The following TRMU variants were observed in gnomAD, a reference collection of about 807,000 sequenced individuals.
The protein encoded by TRMU is tRNA mitochondrial 2-thiouridylase.
TRMU carries 49 observed loss-of-function variants against 46.9 expected under a neutral mutation model. The observed-to-expected ratio is 1.05, with a 90% CI of 0.83 to 1.33. TRMU has a LOEUF of 1.33. TRMU is among the 40% of genes most tolerant of loss of function. TRMU has a pLI of 0.00. For missense variants in TRMU, 572 were observed against 532.4 expected (o/e 1.07, Z -0.73); for synonymous variants, 241 against 200.9 (o/e 1.20, Z -1.69).
Position 46,357,304 on chromosome 22 carries a change from G to C in TRMU, c.*298G>C, listed in dbSNP as rs907722969. On this transcript the variant is annotated 3_prime_UTR_variant, in exon 11 of 11. Coordinates refer to ENST00000645190, the MANE Select transcript of TRMU (RefSeq NM_018006.5). ...ACCGAGGGGACCTGCAGAGGGGGCT[G>C]TCGGGACAGCGTGGAATAAACATTA... 9.6e-6 allele frequency: 5 copies of C among 518,366 alleles called. No homozygotes were observed. Among genetic ancestry groups the C allele is most frequent in the East Asian group, 7.0e-5 (2 of 28,380 alleles). The allele number at this position is 518,366 out of a possible 1,614,324, so 32.1% of individuals were successfully genotyped here.
intron 3 of TRMU, 80 bp from the exon 4 acceptor site, chr22:46,346,342 T>C: frequency 6.4e-7 from 1 of 1,550,690 alleles, no homozygotes; most frequent in Non-Finnish European, 8.7e-7. Context: ...TATACTCTTC[T>C]TTTGTGCCTT....
chr22:46,357,128 G>A lies in TRMU; in HGVS notation c.*122G>A. 2 of 1,435,538 alleles carry A rather than the reference G, an allele frequency of 1.4e-6. No homozygotes were observed. The highest frequency in any genetic ancestry group is 1.9e-6 in the Non-Finnish European group (2 of 1,050,572). The allele number at this position is 1,435,538 out of a possible 1,614,324, so 88.9% of individuals were successfully genotyped here. A position where few individuals can be genotyped will look rare whatever the true frequency, so the allele number is the denominator to read the frequency against. On this transcript the variant is annotated 3_prime_UTR_variant, in exon 11 of 11. Coordinates refer to ENST00000645190, the MANE Select transcript of TRMU (RefSeq NM_018006.5). The stretch of plus-strand genomic sequence containing the variant: ...CAAAGCAGAGGAAGCCGGGCTGGCT[G>A]AGGGTCCGAAAAGCCTGCAGGGGCC...
Position 46,342,847 on chromosome 22 carries a change from A to C in TRMU, c.249-415A>C, listed in dbSNP as rs1034873419. 2.6e-5 allele frequency among the ~76,000 whole-genome samples: 4 copies of C among 152,284 alleles called. No homozygotes were observed. The highest frequency in any genetic ancestry group is 9.6e-5 in the African/African-American group (4 of 41,480). ...GTGCTGCGCACCTGTAATCACAGCT[A>C]TTCGGAAGGCTGAGGTGGGAGAATC... On this transcript the variant is annotated intron_variant, in intron 2 of 10. Coordinates refer to ENST00000645190, the MANE Select transcript of TRMU (RefSeq NM_018006.5). The surrounding 1 kb of genome is among the most constrained non-coding windows in gnomAD (Gnocchi z 4.7).
rs777234745 is a variant in TRMU, at chr22:46,355,981, T to C, written c.1019-9T>C. The stretch of plus-strand genomic sequence containing the variant: ...GTGCCCCCTCCAAGGGCCCCTCTCT[T>C]CTACCCAGTGCCCTGTGTGCTGACC... On this transcript the variant is annotated splice_polypyrimidine_tract_variant and intron_variant, in intron 9 of 10. Coordinates refer to ENST00000645190, the MANE Select transcript of TRMU (RefSeq NM_018006.5). The C allele has an allele frequency of 6.2e-7, 1 of 1,613,820 alleles. No individual in the cohort carries two copies.
intron 8 of TRMU, chr22:46,354,204 G>A: frequency 2.9e-6 from 1 of 343,686 alleles, no homozygotes; most frequent in South Asian, 2.3e-5. Flanking sequence ...TGCCAAGGAT[G>A]GTGCCCACCA....
chr22:46,351,096 C>T lies in TRMU; in HGVS notation c.651+633C>T, dbSNP rs998992789. ...TAGGGAATGGAGATGCCAAAAACGG[C>T]CTCAAAAGAAGTCACATGGAACCTG... On this transcript the variant is annotated intron_variant, in intron 5 of 10. Transcript: ENST00000645190. This position sits in a 1 kb window ranked among gnomAD's most constrained non-coding sequence, Gnocchi z 6.4. 5.9e-5 allele frequency among the ~76,000 whole-genome samples: 9 copies of T among 152,138 alleles called. No individual in the cohort carries two copies. Among genetic ancestry groups the T allele is most frequent in the African/African-American group, 1.9e-4 (8 of 41,410 alleles).
At chr22:46,354,925 C>G (rs1370428171) in intron 8 of TRMU, 1 of 173,426 alleles carries the variant, frequency 5.8e-6, no homozygotes, top group Non-Finnish European at 1.2e-5. Flanking sequence ...CCTAGGGTAT[C>G]TGGGGCCCCC....
chr22:46,355,381 A>C, intron 8 of TRMU, 63 bp from the exon 9 acceptor site: 1 of 1,592,896 alleles, frequency 6.3e-7, no homozygotes, highest in Non-Finnish European at 8.5e-7. Flanking sequence ...CAGGGACCAC[A>C]CTGAGGCCGG....
At chr22:46,340,606 C>T (rs995766043) in intron 2 of TRMU, among the ~76,000 whole-genome samples, 14 of 138,108 alleles carry the variant, frequency 1.0e-4, no homozygotes, top group African/African-American at 3.2e-4. Flanking sequence ...GAATTAGGAG[C>T]GGAGCTGGGA....
rs201002185 is a variant in TRMU, at chr22:46,351,591, T to TG, written c.652-528dup. On this transcript the variant is annotated intron_variant, in intron 5 of 10. Coordinates refer to ENST00000645190, the MANE Select transcript of TRMU (RefSeq NM_018006.5). This position sits in a 1 kb window ranked among gnomAD's most constrained non-coding sequence, Gnocchi z 6.4. Reference sequence around the variant, plus strand: ...CGCTCTGTGGTGGGAGCCGCAGGGATGGAAGGGCAGTCTTGAGAGACACAA... The same window carrying TG: ...CGCTCTGTGGTGGGAGCCGCAGGGATGGGAAGGGCAGTCTTGAGAGACACAA... 1,615 of 203,550 alleles carry TG rather than the reference T, an allele frequency of 7.9e-3. 16 individuals are homozygous for TG. Among genetic ancestry groups the TG allele is most frequent in the Middle Eastern group, 0.019 (9 of 478 alleles). The allele number at this position is 203,550 out of a possible 1,614,324, so 12.6% of individuals were successfully genotyped here. A position where few individuals can be genotyped will look rare whatever the true frequency, so the allele number is the denominator to read the frequency against.
rs149017470 is a variant in TRMU, at chr22:46,347,790, C to T, written c.478+1246C>T. 9.2e-3 allele frequency among the ~76,000 whole-genome samples: 1,406 copies of T among 152,304 alleles called. 15 individuals carry two copies. Among genetic ancestry groups the T allele is most frequent in the Non-Finnish European group, 0.013 (889 of 68,016 alleles). On this transcript the variant is annotated intron_variant, in intron 4 of 10. Transcript: ENST00000645190. The surrounding 1 kb of genome is among the most constrained non-coding windows in gnomAD (Gnocchi z 5.0). ...GCAGAGCTGGATTTCAGTGCACTTC[C>T]GCTCACTCCCCAGCCCCTGCTGCTT...
chr22:46,352,617 A>C, intron 7 of TRMU: 1 of 522,704 alleles, frequency 1.9e-6, no homozygotes, highest in Non-Finnish European at 3.5e-6. Flanking sequence ...AGTCCCTGTA[A>C]AAAGAATGAT....
chr22:46,354,337 T>G (rs112136605), intron 8 of TRMU: 2 of 184,020 alleles, frequency 1.1e-5, no homozygotes, highest in African/African-American at 4.7e-5. Flanking sequence ...GGCCGCTCAG[T>G]GGCGGCAAGC....
In TRMU at chr22:46,343,471, G is replaced by A. The variant is rs528306028; in HGVS notation, c.355+103G>A. The A allele has an allele frequency of 1.6e-5, 14 of 849,982 alleles. No homozygotes were observed. In the East Asian group the frequency reaches 2.1e-4, roughly 13 times the overall value. 52.7% of individuals were successfully genotyped at this position (849,982 alleles called of 1,614,324 possible). ...TGCGATCATGACTCACTGCAGCCTCGACCTCCTGGGCTCAAGAGATTCTCC... is the reference window on the plus strand; with the variant it reads ...TGCGATCATGACTCACTGCAGCCTCAACCTCCTGGGCTCAAGAGATTCTCC... On this transcript the variant is annotated intron_variant, in intron 3 of 10. Coordinates refer to ENST00000645190, the MANE Select transcript of TRMU (RefSeq NM_018006.5).
chr22:46,340,970 G>A (rs1460484409), intron 2 of TRMU, among the ~76,000 whole-genome samples: 1 of 152,260 alleles, frequency 6.6e-6, no homozygotes, highest in East Asian at 1.9e-4. Flanking sequence ...TTCCGCTGAA[G>A]ACTCACTTCT....
At chr22:46,346,297 G>A (rs2078255332) in intron 3 of TRMU, 125 bp from the exon 4 acceptor site, 1 of 1,179,704 alleles carries the variant, frequency 8.5e-7, no homozygotes, top group Non-Finnish European at 1.2e-6. Context: ...GGTGCAGGGT[G>A]GATTGTGCAG....
rs537257675 is a variant in TRMU at position 46,349,137 on chromosome 22, C to CAAAAA, written c.479-1142_479-1138dup. On this transcript the variant is annotated intron_variant, in intron 4 of 10. Transcript: ENST00000645190. The surrounding 1 kb of genome is among the most constrained non-coding windows in gnomAD (Gnocchi z 4.6). ...TGGGCGACAGAGCGAGACTCCATCTCAAAAAAAAAAAAAAAAGTGGACTCT... is the reference window on the plus strand; with the variant it reads ...TGGGCGACAGAGCGAGACTCCATCTCAAAAAAAAAAAAAAAAAAAAAGTGGACTCT... Among the ~76,000 whole-genome samples the CAAAAA allele has an allele frequency of 8.5e-6, 1 of 117,076 alleles. No homozygotes were observed. 76.8% of individuals were successfully genotyped at this position (117,076 alleles called of 152,430 possible). A position where few individuals can be genotyped will look rare whatever the true frequency, so the allele number is the denominator to read the frequency against.
rs375915881 is a variant in TRMU, at chr22:46,343,770, C to T, written c.355+402C>T. Among the ~76,000 whole-genome samples the T allele has an allele frequency of 2.7e-4, 41 of 152,280 alleles. No individual in the cohort carries two copies. The East Asian group carries it at 6.8e-3, about 25-fold the overall frequency. On this transcript the variant is annotated intron_variant, in intron 3 of 10. Coordinates refer to ENST00000645190, the MANE Select transcript of TRMU (RefSeq NM_018006.5). Reference sequence around the variant, plus strand: ...GCTTTATGAATTTTAGGTTCTTCTTCCTGTCCCCTGCCATTGGGGTCACCA... The same window carrying T: ...GCTTTATGAATTTTAGGTTCTTCTTTCTGTCCCCTGCCATTGGGGTCACCA...
chr22:46,349,002 G>A lies in TRMU; in HGVS notation c.479-1289G>A, dbSNP rs1569075735. On this transcript the variant is annotated intron_variant, in intron 4 of 10. Transcript: ENST00000645190. This position sits in a 1 kb window ranked among gnomAD's most constrained non-coding sequence, Gnocchi z 4.6. ...ACAAAAAAAAAAGTTAGCCGAGTAT[G>A]GTGGCACATGCCTGTAGTCCCAGGT... 1.3e-5 allele frequency among the ~76,000 whole-genome samples: 2 copies of A among 152,070 alleles called. No homozygotes were observed. The highest frequency in any genetic ancestry group is 2.4e-5 in the African/African-American group (1 of 41,414).
Sources: gnomAD v4.1 joint callset for allele counts (sites outside exome capture counted in the v4.1 genomes callset) on GRCh38, gnomAD v4.1.1 for gene constraint, Gnocchi (gnomAD v3.1) non-coding constraint, MANE v1.5 for transcripts, NCBI Gene and HGNC (gene_info 2026-07-23, HGNC 2026-07-21) for gene names.